The following GFI1B variants were observed in gnomAD, a reference collection of about 807,000 sequenced individuals.
GFI1B encodes growth factor independent 1B transcriptional repressor.
A neutral mutation model predicts 35.3 loss-of-function variants in GFI1B; 20 were observed. The observed-to-expected ratio is 0.57, with a 90% CI of 0.40 to 0.82. The LOEUF is 0.82. Ranked by LOEUF, GFI1B falls within the 40% of genes least tolerant of loss-of-function variation. The pLI is 0.00. For synonymous variants in GFI1B, 178 were observed against 177.6 expected (o/e 1.00, Z -0.02); for missense variants, 430 against 446.3 (o/e 0.96, Z 0.33).
chr9:132,993,136 A>G (rs930521546), downstream of GFI1B, among the ~76,000 whole-genome samples: 6 of 152,162 alleles, frequency 3.9e-5, no homozygotes, highest in Non-Finnish European at 8.8e-5. Context: ...TCTATTAAAC[A>G]TACAAAAATT....
upstream of GFI1B, among the ~76,000 whole-genome samples, chr9:132,974,601 CAAAA>C (rs11243966): frequency 8.8e-5 from 7 of 79,838 alleles, no homozygotes; most frequent in African/African-American, 2.2e-4. Flanking sequence ...GAATCCGTCT[CAAAA>C]AAAAAAAAAA....
Position 132,950,933 on chromosome 9 carries a change from G to T in GFI1B, c.-701+5264G>T, listed in dbSNP as rs1056904040. Among the ~76,000 whole-genome samples the T allele has an allele frequency of 2.0e-5, 3 of 151,982 alleles. No homozygotes were observed. The East Asian group carries it at 5.8e-4, about 29-fold the overall frequency. On this transcript the variant is annotated intron_variant, in intron 1 of 10. Transcript: ENST00000339463. ...GCTCACTGCAGCCTTGACCTCCCGG[G>T]CTCAGACCATCCTCCTGCCTTAGCC...
At chr9:132,988,651 G>A (rs899010548) in intron 4 of GFI1B, among the ~76,000 whole-genome samples, 183 bp downstream of exon 4, 1 of 152,168 alleles carries the variant, frequency 6.6e-6, no homozygotes, top group Non-Finnish European at 1.5e-5. Context: ...CCTGTGCTAA[G>A]CAATTGACAG....
intron 3 of GFI1B, 95 bp downstream of exon 3, chr9:132,987,514 T>A: frequency 6.9e-7 from 1 of 1,440,690 alleles, no homozygotes; most frequent in Non-Finnish European, 9.6e-7. Context: ...GGCCCTGGAG[T>A]CAGGAAGGAC....
chr9:132,965,636 T>C (rs1437194320), intron 1 of GFI1B, among the ~76,000 whole-genome samples: 4 of 152,158 alleles, frequency 2.6e-5, no homozygotes, highest in African/African-American at 9.7e-5. Flanking sequence ...GGAGGCCCCA[T>C]GAAGGCAGAG....
At chr9:132,963,415 G>A (rs1198885556) in intron 1 of GFI1B, among the ~76,000 whole-genome samples, 1 of 152,154 alleles carries the variant, frequency 6.6e-6, no homozygotes, top group Non-Finnish European at 1.5e-5. Flanking sequence ...GGGAGGCGGA[G>A]GTTGCAGTGA....
intron 3 of GFI1B, 40 bp from the exon 4 acceptor site, chr9:132,988,157 G>A (rs374873571): frequency 5.0e-6 from 8 of 1,605,416 alleles, no homozygotes; most frequent in African/African-American, 1.3e-5. Context: ...AACCCCCTGT[G>A]TTTAAATGAG....
Position 132,989,853 on chromosome 9 carries a change from G to A in GFI1B, c.760G>A (p.Gly254Ser), listed in dbSNP as rs765446969. The A allele has an allele frequency of 9.9e-6, 16 of 1,614,094 alleles. No individual in the cohort carries two copies. The highest frequency in any genetic ancestry group is 4.4e-5 in the South Asian group (4 of 91,086). Residue 254 changes from glycine (G) to serine (S), a missense_variant, in exon 6 of 7, where the codon GGC becomes AGC. Coordinates refer to ENST00000372122, the MANE Select transcript of GFI1B (RefSeq NM_001377304.1). This position sits in a 1 kb window ranked among gnomAD's most constrained non-coding sequence, Gnocchi z 6.2. The stretch of plus-strand genomic sequence containing the variant: ...GCGGCCCTACCCCTGCCAGTTCTGC[G>A]GCAAGCGTTTCCACCAGAAGTCCGA... ...DTRPYPCQFC[G>S]KRFHQKSDMK...
chr9:132,959,838 G>C (rs1848338510), intron 1 of GFI1B, among the ~76,000 whole-genome samples: 1 of 152,190 alleles, frequency 6.6e-6, no homozygotes, highest in African/African-American at 2.4e-5. Flanking sequence ...CTTCTCCTCT[G>C]TGTCCCTCTG....
chr9:132,987,985 T>C (rs548492495), intron 3 of GFI1B, among the ~76,000 whole-genome samples: 2 of 152,254 alleles, frequency 1.3e-5, no homozygotes, highest in East Asian at 3.9e-4. Flanking sequence ...GCTGGGATTA[T>C]AGGCGTGAGC....
upstream of GFI1B, among the ~76,000 whole-genome samples, chr9:132,974,293 A>C (rs1848586482): frequency 6.6e-6 from 1 of 152,140 alleles, no homozygotes; most frequent in Non-Finnish European, 1.5e-5. Context: ...GCAATAAATA[A>C]ATGAATTAAA....
At chr9:132,976,106 C>A (rs953680870), upstream of GFI1B, among the ~76,000 whole-genome samples, 2 of 152,176 alleles carry the variant, frequency 1.3e-5, no homozygotes, top group African/African-American at 4.8e-5. Context: ...GGATTACAAT[C>A]TTAGAACAGC....
At chr9:132,954,585 AAAAAGAAAAG>A (rs1564522785) in intron 1 of GFI1B, among the ~76,000 whole-genome samples, 1 of 141,048 alleles carries the variant, frequency 7.1e-6, no homozygotes, top group African/African-American at 3.2e-5. Context: ...AAAAAAAAAA[AAAAAGAAAAG>A]AAAAAGAAAA....
chr9:132,946,958 ACAGG>A (rs1354547600), intron 1 of GFI1B: 3 of 152,426 alleles, frequency 2.0e-5, no homozygotes, highest in African/African-American at 7.2e-5. Context: ...GCTGAAGGTG[ACAGG>A]CAGAGACAGC....
intron 1 of GFI1B, among the ~76,000 whole-genome samples, chr9:132,965,843 A>G (rs1027455273): frequency 6.6e-6 from 1 of 152,188 alleles, no homozygotes; most frequent in Non-Finnish European, 1.5e-5. Flanking sequence ...AAGCCACCCA[A>G]CATGTAATTG....
downstream of GFI1B, among the ~76,000 whole-genome samples, chr9:132,993,296 GAAAC>G (rs918770149): frequency 3.3e-4 from 50 of 152,124 alleles, 1 homozygote; most frequent in African/African-American, 9.6e-4. Flanking sequence ...CTCCATCTCG[GAAAC>G]AAACAAACAA....
chr9:132,948,033 T>G (rs1015134810), intron 1 of GFI1B, among the ~76,000 whole-genome samples: 2 of 152,182 alleles, frequency 1.3e-5, no homozygotes, highest in Non-Finnish European at 2.9e-5. Context: ...GCGTGCCTAT[T>G]AAGCTAGGTT....
chr9:132,967,433 C>T (rs185000877), intron 1 of GFI1B, among the ~76,000 whole-genome samples: 13 of 152,012 alleles, frequency 8.6e-5, no homozygotes, highest in African/African-American at 1.9e-4. Flanking sequence ...AAAATCATTA[C>T]GAAAAGAAAG....
At position 132,988,217 on chromosome 9, in the gene GFI1B, C is replaced by A; in HGVS notation, c.259C>A (p.Arg87=). ...CACAGAGGGCCCCATTGTGCTGTCC[C>A]GACCCCAGGATGGGGACTCTCCACT... ...PAPEGPIVLS[R]PQDGDSPLSD... Residue 87 remains arginine, a synonymous_variant, in exon 4 of 7, where the codon CGA becomes AGA. Coordinates refer to ENST00000372122, the MANE Select transcript of GFI1B (RefSeq NM_001377304.1). The A allele has an allele frequency of 1.2e-6, 2 of 1,613,978 alleles. No homozygotes were observed. Among genetic ancestry groups the A allele is most frequent in the Non-Finnish European group, 1.7e-6 (2 of 1,179,836 alleles).
Sources: allele counts gnomAD v4.1 joint callset (sites outside exome capture counted in the v4.1 genomes callset), GRCh38; gene constraint gnomAD v4.1.1; non-coding constraint Gnocchi (gnomAD v3.1); transcripts MANE v1.5; gene names NCBI Gene and HGNC (gene_info 2026-07-23, HGNC 2026-07-21).